CACNA2D1: variants seen among roughly 807,000 people sequenced by gnomAD.
CACNA2D1 encodes calcium voltage-gated channel auxiliary subunit alpha2delta 1.
A neutral mutation model predicts 171.5 loss-of-function variants in CACNA2D1; 53 were observed. The ratio of observed to expected loss-of-function variants is 0.31; its 90% CI spans 0.25 to 0.39. The LOEUF (loss-of-function observed/expected upper bound fraction) is 0.39. Ranked by LOEUF, CACNA2D1 falls within the 10% of genes least tolerant of loss-of-function variation. The pLI is 1.00. For synonymous variants in CACNA2D1, 442 were observed against 443.1 expected, an observed-to-expected ratio of 1.00 and a Z score of 0.03; for missense variants, 903 against 1,299.8, an observed-to-expected ratio of 0.69 and a Z score of 4.69.
intron 5 of CACNA2D1, among the ~76,000 whole-genome samples, chr7:82,123,279 C>A (rs1332526342): frequency 2.0e-5 from 3 of 152,156 alleles, no homozygotes; most frequent in African/African-American, 7.2e-5. Context: ...GAGATGCACA[C>A]ATTAATTTTA....
At chr7:82,213,615 C>T (rs1334758891) in intron 3 of CACNA2D1, among the ~76,000 whole-genome samples, 2 of 152,130 alleles carry the variant, frequency 1.3e-5, no homozygotes, top group East Asian at 3.8e-4. Flanking sequence ...TTGATTATGC[C>T]ACTCTCCTGC....
At chr7:82,124,559 G>A (rs1790116364) in intron 5 of CACNA2D1, among the ~76,000 whole-genome samples, 1 of 152,076 alleles carries the variant, frequency 6.6e-6, no homozygotes, top group Non-Finnish European at 1.5e-5. Context: ...GAATGGTTGT[G>A]GGCCTCTACT....
At chr7:81,991,450 C>G (rs116751645) in intron 20 of CACNA2D1, among the ~76,000 whole-genome samples, 1 of 152,032 alleles carries the variant, frequency 6.6e-6, no homozygotes, top group Non-Finnish European at 1.5e-5. Flanking sequence ...AGTGAAAAAT[C>G]TTTATAGTTT....
At chr7:82,107,987 G>T (rs1563059157) in intron 6 of CACNA2D1, among the ~76,000 whole-genome samples, 1 of 152,066 alleles carries the variant, frequency 6.6e-6, no homozygotes. Context: ...TCCTTATCCA[G>T]GGTCACTCAC....
At chr7:82,238,229 T>C (rs920006188) in intron 3 of CACNA2D1, among the ~76,000 whole-genome samples, 1 of 152,090 alleles carries the variant, frequency 6.6e-6, no homozygotes, top group East Asian at 1.9e-4. Context: ...CACTTTCTCA[T>C]GCTATCACTA....
At chr7:82,402,822 T>C (rs1826590417) in intron 1 of CACNA2D1, among the ~76,000 whole-genome samples, 1 of 151,494 alleles carries the variant, frequency 6.6e-6, no homozygotes, top group Non-Finnish European at 1.5e-5. Context: ...AGAGGGGACA[T>C]GATCAGAAGT....
rs1830682509 is a variant in CACNA2D1, at chr7:82,443,627, C to T, written c.-168G>A. On this transcript the variant is annotated 5_prime_UTR_variant, in exon 1 of 39. Coordinates refer to ENST00000356860, the MANE Select transcript of CACNA2D1 (RefSeq NM_000722.4). ...GGAGCCGCGCGGGGGACGGCAAGGGCGGGAGCGGACGCCGAGGAAGGGGCG... is the reference window on the plus strand; with the variant it reads ...GGAGCCGCGCGGGGGACGGCAAGGGTGGGAGCGGACGCCGAGGAAGGGGCG... 2 of 1,316,138 alleles carry T rather than the reference C, an allele frequency of 1.5e-6. No individual in the cohort carries two copies. Among genetic ancestry groups the T allele is most frequent in the African/African-American group, 3.1e-5 (2 of 64,512 alleles). The allele number at this position is 1,316,138 out of a possible 1,614,324, so 81.5% of individuals were successfully genotyped here.
chr7:82,078,814 A>G (rs1272660657), intron 7 of CACNA2D1, among the ~76,000 whole-genome samples: 1 of 152,202 alleles, frequency 6.6e-6, no homozygotes, highest in African/African-American at 2.4e-5. Context: ...GACGGTGATG[A>G]CAGCTTTTAT....
intron 19 of CACNA2D1, among the ~76,000 whole-genome samples, chr7:81,996,762 A>G (rs1052265503): frequency 6.6e-6 from 1 of 151,954 alleles, no homozygotes; most frequent in African/African-American, 2.4e-5. Flanking sequence ...TAGATTGCCA[A>G]GTAAAATGTA....
At position 82,151,249 on chromosome 7, in the gene CACNA2D1, G is replaced by A. The variant is rs144437703; in HGVS notation, c.355-14573C>T. ...TTCATTCCTCAGGCATATTTTCATA[G>A]GAGTTATTTTAATTTCAAAATGCAT... is the stretch of plus-strand genomic sequence containing the variant. On this transcript the variant is annotated intron_variant, in intron 4 of 38. Coordinates refer to ENST00000356860, the MANE Select transcript of CACNA2D1 (RefSeq NM_000722.4). Among the ~76,000 whole-genome samples, 4 of 152,204 alleles carry A rather than the reference G, an allele frequency of 2.6e-5. No individual in the cohort carries two copies. In the East Asian group the frequency reaches 7.7e-4, roughly 29 times the overall value.
chr7:81,985,196 C>CTTTTTTTTT (rs774555240), intron 21 of CACNA2D1, among the ~76,000 whole-genome samples: 4 of 104,192 alleles, frequency 3.8e-5, no homozygotes, highest in African/African-American at 1.2e-4. Context: ...ATTATCATTA[C>CTTTTTTTTT]TTTTTTTTTT....
At chr7:82,128,230 G>C (rs991683383) in intron 5 of CACNA2D1, among the ~76,000 whole-genome samples, 1 of 151,910 alleles carries the variant, frequency 6.6e-6, no homozygotes, top group African/African-American at 2.4e-5. Flanking sequence ...ACGCCTGGCC[G>C]CTACCTGTGT....
intron 7 of CACNA2D1, 91 bp downstream of exon 7, chr7:82,084,678 A>G: frequency 7.1e-7 from 1 of 1,401,934 alleles, no homozygotes; most frequent in Non-Finnish European, 1.0e-6. Context: ...ATATAGTCAT[A>G]TTTTTCTTAC....
At chr7:82,416,699 T>C (rs1828206468) in intron 1 of CACNA2D1, among the ~76,000 whole-genome samples, 1 of 152,190 alleles carries the variant, frequency 6.6e-6, no homozygotes, top group Non-Finnish European at 1.5e-5. Context: ...GGGCCCACCC[T>C]ACTCTAATAT....
chr7:82,139,789 T>C (rs926415703), intron 4 of CACNA2D1, among the ~76,000 whole-genome samples: 2 of 151,704 alleles, frequency 1.3e-5, no homozygotes, highest in Non-Finnish European at 2.9e-5. Flanking sequence ...TCCTTTTTTT[T>C]TTTTTTCTTT....
intron 3 of CACNA2D1, among the ~76,000 whole-genome samples, chr7:82,182,865 G>A (rs1025084473): frequency 1.6e-4 from 24 of 151,828 alleles, no homozygotes; most frequent in African/African-American, 4.1e-4. Context: ...GTGAAACCCC[G>A]TCTCTACTAA....
chr7:82,135,247 G>A (rs1791468700), intron 5 of CACNA2D1, among the ~76,000 whole-genome samples: 1 of 151,980 alleles, frequency 6.6e-6, no homozygotes, highest in Non-Finnish European at 1.5e-5. Context: ...GAAGGTTGAT[G>A]AAGATTTTGT....
chr7:82,084,024 TTA>T (rs1256830157), intron 7 of CACNA2D1, among the ~76,000 whole-genome samples: 6 of 152,190 alleles, frequency 3.9e-5, no homozygotes, highest in Non-Finnish European at 8.8e-5. Flanking sequence ...AAAACGCATT[TTA>T]TGTTTTTCAG....
chr7:82,330,956 T>A (rs536606268), intron 3 of CACNA2D1, among the ~76,000 whole-genome samples: 1 of 152,106 alleles, frequency 6.6e-6, no homozygotes, highest in Non-Finnish European at 1.5e-5. Flanking sequence ...AGCATAAGCA[T>A]TACCTTATGC....
Sources: allele counts gnomAD v4.1 joint callset (sites outside exome capture counted in the v4.1 genomes callset), GRCh38; gene constraint gnomAD v4.1.1; transcripts MANE v1.5; gene names NCBI Gene and HGNC (gene_info 2026-07-23, HGNC 2026-07-21).